Variants in KCNIP1 observed in about 807,000 individuals in gnomAD.
KCNIP1 encodes potassium voltage-gated channel interacting protein 1, also known as A-type potassium channel modulatory protein KCNIP1.
In KCNIP1, 18 loss-of-function variants were observed where a neutral mutation model predicts 33.0. The observed-to-expected ratio is 0.55, with a 90% CI of 0.38 to 0.81. The LOEUF (loss-of-function observed/expected upper bound fraction) is 0.81. Ranked by LOEUF, KCNIP1 falls within the 30% of genes least tolerant of loss-of-function variation. The probability of loss-of-function intolerance (pLI) is 0.00; values close to 1 mark genes in which losing one functional copy is unlikely to be tolerated. For missense variants in KCNIP1, 238 were observed against 271.6 expected, an observed-to-expected ratio of 0.88 and a Z score of 0.87; for synonymous variants, 93 against 98.3, an observed-to-expected ratio of 0.95 and a Z score of 0.32.
chr5:170,565,540 C>G (rs1231282279), intron 1 of KCNIP1, among the ~76,000 whole-genome samples: 1 of 152,116 alleles, frequency 6.6e-6, no homozygotes, highest in African/African-American at 2.4e-5. Flanking sequence ...TATTTATTAC[C>G]CAAAAAAATA....
chr5:170,391,719 CAG>C (rs1464231968), intron 1 of KCNIP1, among the ~76,000 whole-genome samples: 1 of 152,182 alleles, frequency 6.6e-6, no homozygotes, highest in African/African-American at 2.4e-5. Flanking sequence ...AACTGAGCCT[CAG>C]AGAGGTGAAA....
intron 1 of KCNIP1, among the ~76,000 whole-genome samples, chr5:170,614,286 C>T (rs937791094): frequency 1.3e-5 from 2 of 152,190 alleles, no homozygotes; most frequent in Non-Finnish European, 2.9e-5. Context: ...TCAGCCCATT[C>T]GGCAGGCAGT....
chr5:170,717,536 C>T (rs909579503), intron 1 of KCNIP1, among the ~76,000 whole-genome samples: 5 of 152,262 alleles, frequency 3.3e-5, no homozygotes, highest in East Asian at 3.9e-4. Flanking sequence ...GAGCCTCACA[C>T]GAACATCCAT....
chr5:170,581,855 G>A (rs545273546), intron 1 of KCNIP1, among the ~76,000 whole-genome samples: 13 of 152,314 alleles, frequency 8.5e-5, no homozygotes, highest in African/African-American at 3.1e-4. Context: ...TCCAGTGTCT[G>A]CATCTGGTGT....
chr5:170,479,818 A>G (rs560607972), intron 1 of KCNIP1, among the ~76,000 whole-genome samples: 101 of 152,382 alleles, frequency 6.6e-4, no homozygotes, highest in African/African-American at 2.4e-3. Flanking sequence ...TTTGTTTAAC[A>G]TTTAACTTCC....
intron 1 of KCNIP1, chr5:170,378,650 G>A (rs1290327773): frequency 6.5e-7 from 1 of 1,535,350 alleles, no homozygotes; most frequent in East Asian, 2.3e-5. Flanking sequence ...GCAGCCCTGG[G>A]GGCCCAGCCA....
intron 1 of KCNIP1, among the ~76,000 whole-genome samples, chr5:170,537,734 G>A (rs1352465027): frequency 6.6e-6 from 1 of 152,160 alleles, no homozygotes; most frequent in Non-Finnish European, 1.5e-5. Flanking sequence ...TTCTTTGCTC[G>A]GCCTTTTGTT....
intron 1 of KCNIP1, among the ~76,000 whole-genome samples, chr5:170,470,721 T>C (rs1305677437): frequency 6.6e-6 from 1 of 152,164 alleles, no homozygotes; most frequent in African/African-American, 2.4e-5. Flanking sequence ...GTGTGGCAAG[T>C]GAAAGGTGGA....
intron 1 of KCNIP1, among the ~76,000 whole-genome samples, chr5:170,487,710 CAG>C (rs1403014354): frequency 6.6e-6 from 1 of 151,914 alleles, no homozygotes; most frequent in Non-Finnish European, 1.5e-5. Context: ...TTTGTAGAGA[CAG>C]GGGCCATGTT....
At chr5:170,589,033 C>T (rs1257566759) in intron 1 of KCNIP1, among the ~76,000 whole-genome samples, 1 of 136,462 alleles carries the variant, frequency 7.3e-6, no homozygotes, top group Non-Finnish European at 1.5e-5. Context: ...GAGTCTCGCT[C>T]TGTAGCCCAG....
chr5:170,461,310 T>A (rs1343074337), intron 1 of KCNIP1, among the ~76,000 whole-genome samples: 1 of 151,870 alleles, frequency 6.6e-6, no homozygotes, highest in Non-Finnish European at 1.5e-5. Context: ...AAAAAAACAG[T>A]CTTAAAATTC....
At chr5:170,487,168 G>A (rs1219639052) in intron 1 of KCNIP1, among the ~76,000 whole-genome samples, 7 of 152,194 alleles carry the variant, frequency 4.6e-5, no homozygotes, top group African/African-American at 1.7e-4. Context: ...GGCAGGGCAA[G>A]AAGCCTAGGG....
intron 1 of KCNIP1, among the ~76,000 whole-genome samples, chr5:170,474,902 G>A (rs939890266): frequency 6.6e-6 from 1 of 152,200 alleles, no homozygotes; most frequent in African/African-American, 2.4e-5. Flanking sequence ...GCGTAGAAGG[G>A]GACCCCACTG....
At chr5:170,721,725 C>A in intron 3 of KCNIP1, 108 bp from the exon 4 acceptor site, 2 of 1,613,238 alleles carry the variant, frequency 1.2e-6, no homozygotes, top group Non-Finnish European at 8.5e-7. Context: ...TTTCCATCAC[C>A]CTAGCATCAC....
At chr5:170,726,745 C>CAAAAAAAAAAAAAAA (rs57173351) in intron 5 of KCNIP1, among the ~76,000 whole-genome samples, 14 of 56,678 alleles carry the variant, frequency 2.5e-4, no homozygotes, top group East Asian at 1.4e-3. Context: ...ACTAAAAATA[C>CAAAAAAAAAAAAAAA]AAAAAAAAAA....
At chr5:170,716,620 T>C (rs1344908154) in intron 1 of KCNIP1, among the ~76,000 whole-genome samples, 1 of 152,220 alleles carries the variant, frequency 6.6e-6, no homozygotes, top group Admixed American at 6.5e-5. Context: ...TTGATCCTGC[T>C]ACCCAGACAG....
intron 1 of KCNIP1, among the ~76,000 whole-genome samples, chr5:170,597,795 ATATATATATATATATATATATATAT>A (rs1758505284): frequency 8.1e-5 from 1 of 12,404 alleles, no homozygotes; most frequent in Non-Finnish European, 1.5e-4. Context: ...ATATATATAT[ATATATATATATATATATATATATAT>A]ATATATATAT....
intron 1 of KCNIP1, among the ~76,000 whole-genome samples, chr5:170,615,160 C>T (rs776559512): frequency 3.3e-5 from 5 of 152,108 alleles, no homozygotes; most frequent in Non-Finnish European, 5.9e-5. Context: ...GTTTGCAGTG[C>T]GCCAAGATCG....
intron 1 of KCNIP1, among the ~76,000 whole-genome samples, chr5:170,657,206 C>T (rs1351340063): frequency 2.0e-5 from 3 of 151,912 alleles, no homozygotes; most frequent in South Asian, 2.1e-4. Context: ...ATGTTGGCCA[C>T]GCTGGTCTTG....
Sources: gnomAD v4.1 joint callset for allele counts (sites outside exome capture counted in the v4.1 genomes callset) on GRCh38, gnomAD v4.1.1 for gene constraint, MANE v1.5 for transcripts, NCBI Gene and HGNC (gene_info 2026-07-23, HGNC 2026-07-21) for gene names.